GABRR2: variants seen among roughly 807,000 people sequenced by gnomAD.
GABRR2 encodes the protein gamma-aminobutyric acid receptor subunit rho-2.
Under a neutral mutation model 47.0 loss-of-function variants are expected in GABRR2, and 36 were observed. The ratio of observed to expected loss-of-function variants is 0.77; its 90% CI spans 0.59 to 1.01. The LOEUF is 1.01. Ranked by LOEUF, GABRR2 falls within the 50% of genes least tolerant of loss-of-function variation. The probability of loss-of-function intolerance (pLI) is 0.00; values close to 1 mark genes in which losing one functional copy is unlikely to be tolerated. For synonymous variants in GABRR2, 204 were observed against 227.5 expected (o/e 0.90, Z 0.93); for missense variants, 587 against 594.6 (o/e 0.99, Z 0.13).
At position 89,267,470 on chromosome 6, in the gene GABRR2, C is replaced by T. The variant is rs555202094; in HGVS notation, c.736+209G>A. Among the ~76,000 whole-genome samples, 209 of 152,208 alleles carry T rather than the reference C, an allele frequency of 1.4e-3. 2 individuals are homozygous for T. The highest frequency in any genetic ancestry group is 2.4e-3 in the Non-Finnish European group (166 of 68,004). On this transcript the variant is annotated intron_variant, in intron 6 of 8. Transcript: ENST00000402938. ...TAGTCCCAGCTACTCAGGAGGCTGACGTGGGAGGATCACCTGAGCCTGGGA... is the reference window on the plus strand; with the variant it reads ...TAGTCCCAGCTACTCAGGAGGCTGATGTGGGAGGATCACCTGAGCCTGGGA...
chr6:89,268,884 A>C, intron 4 of GABRR2, 127 bp downstream of exon 4: 1 of 746,328 alleles, frequency 1.3e-6, no homozygotes. Context: ...TCTGACTAGC[A>C]TCAGAAGGCT....
In GABRR2 at chr6:89,267,692, G is replaced by T. The variant is rs773282288; in HGVS notation, c.723C>A (p.Phe241Leu). 1 of 1,613,414 alleles carries T rather than the reference G, an allele frequency of 6.2e-7. No homozygotes were observed. The highest frequency in any genetic ancestry group is 8.5e-7 in the Non-Finnish European group (1 of 1,179,640). The change falls in exon 6 of 9, where the codon TTC (phenylalanine) becomes TTA (leucine). Residue 241 changes from phenylalanine to leucine, a missense_variant. Transcript: ENST00000402938. The stretch of plus-strand genomic sequence containing the variant: ...AAAGATAGCTACCAGTGCTGCTGTA[G>T]AAGGCCAGCCTGGAAGTTGTGTGAA... ...QKFHTTSRLAFYSSTGWYNRL... is the reference protein window; with the variant it reads ...QKFHTTSRLALYSSTGWYNRL...
In GABRR2 at chr6:89,299,897, C is replaced by T. The variant is rs556007542; in HGVS notation, c.114-32G>A. On this transcript the variant is annotated intron_variant, in intron 1 of 8. Transcript: ENST00000402938. ...AGACAAGCAAGAAACTATTTTCCAT[C>T]GGCTCTTCAATGCATTGAGTGAGAT... 4.5e-4 allele frequency: 648 copies of T among 1,425,246 alleles called. 11 individuals carry two copies. The South Asian group carries it at 7.1e-3, about 16-fold the overall frequency. The allele number at this position is 1,425,246 out of a possible 1,614,324, so 88.3% of individuals were successfully genotyped here. A position where few individuals can be genotyped will look rare whatever the true frequency, so the allele number is the denominator to read the frequency against.
At chr6:89,258,475 G>A (rs1773658960) in intron 8 of GABRR2, among the ~76,000 whole-genome samples, 1 of 151,580 alleles carries the variant, frequency 6.6e-6, no homozygotes, top group Non-Finnish European at 1.5e-5. Context: ...GGAGGTCAAG[G>A]CAGGAGGATC....
intron 2 of GABRR2, among the ~76,000 whole-genome samples, chr6:89,289,680 TGGAAGG>T (rs71024362): frequency 0.091 from 13,823 of 152,026 alleles, 747 homozygotes; most frequent in African/African-American, 0.14. Context: ...TTGATTGATC[TGGAAGG>T]GGAAGGGGAA....
At chr6:89,311,156 G>A (rs778096145) in intron 1 of GABRR2, among the ~76,000 whole-genome samples, 11 of 152,144 alleles carry the variant, frequency 7.2e-5, no homozygotes, top group African/African-American at 1.2e-4. Flanking sequence ...ACGTGCAGAC[G>A]CCCATGAAAG....
At chr6:89,262,410 T>C (rs1773770433) in intron 8 of GABRR2, among the ~76,000 whole-genome samples, 2 of 152,226 alleles carry the variant, frequency 1.3e-5, no homozygotes, top group African/African-American at 4.8e-5. Context: ...ATATTCAGCA[T>C]GAAGCCCCTA....
chr6:89,268,655 A>C (rs1254933388), intron 4 of GABRR2, among the ~76,000 whole-genome samples: 1 of 46,128 alleles, frequency 2.2e-5, no homozygotes, highest in Non-Finnish European at 4.6e-5. Flanking sequence ...TTTTTGGGGG[A>C]CGGGGGGGGG....
At chr6:89,300,643 C>T (rs1370454274) in intron 1 of GABRR2, among the ~76,000 whole-genome samples, 1 of 150,470 alleles carries the variant, frequency 6.6e-6, no homozygotes, top group Non-Finnish European at 1.5e-5. Context: ...GACACATACA[C>T]ACCCCAAACC....
intron 2 of GABRR2, among the ~76,000 whole-genome samples, chr6:89,288,457 C>T (rs934767145): frequency 6.6e-6 from 1 of 152,056 alleles, no homozygotes; most frequent in Non-Finnish European, 1.5e-5. Context: ...CGAGTGTTTT[C>T]ACAAGCATGA....
rs141403078 is a variant in GABRR2, at chr6:89,271,721, G to T, written c.222C>A (p.Gly74=). Residue 74 remains glycine, a splice_region_variant and synonymous_variant, in exon 3 of 9, where the codon GGC becomes GGA. Transcript: ENST00000402938. ...CGTCCACGCCCACCGGGATGGCAGG[G>T]CCTGCAGAAGAGCAGAGACAGCTGG... The part of the protein sequence containing the change: ...HDFSMRPAFG[G]PAIPVGVDVQ... 1.2e-6 allele frequency: 2 copies of T among 1,611,408 alleles called. No individual in the cohort carries two copies. Among genetic ancestry groups the T allele is most frequent in the Non-Finnish European group, 1.7e-6 (2 of 1,178,770 alleles).
chr6:89,283,827 A>G (rs1774290804), intron 2 of GABRR2, among the ~76,000 whole-genome samples: 1 of 152,160 alleles, frequency 6.6e-6, no homozygotes, highest in African/African-American at 2.4e-5. Context: ...ATCACACTAT[A>G]TTAGAGTCTA....
chr6:89,269,117 G>A lies in GABRR2; in HGVS notation c.406C>T (p.Pro136Ser), dbSNP rs372516073. ...TTGGAGTGAACAAAGAAGACATCAG[G>A]GACCCAGATCTTCTTCACCAGCCGG... ...DGRLVKKIWV[P>S]DVFFVHSKRS... Residue 136 changes from proline to serine, a missense_variant, in exon 4 of 9, where the codon CCT becomes TCT. By Grantham distance (74) the Pro-to-Ser change is moderately conservative. Transcript: ENST00000402938. The A allele has an allele frequency of 1.2e-6, 2 of 1,614,018 alleles. No homozygotes were observed.
intron 1 of GABRR2, among the ~76,000 whole-genome samples, chr6:89,310,729 T>C (rs3822872): frequency 0.29 from 38,842 of 133,356 alleles, 5,652 homozygotes; most frequent in African/African-American, 0.44. Context: ...GAGCATTAGA[T>C]GAGAAGCGGG....
intron 1 of GABRR2, among the ~76,000 whole-genome samples, chr6:89,307,428 T>G (rs1767587685): frequency 6.6e-6 from 1 of 152,198 alleles, no homozygotes; most frequent in South Asian, 2.1e-4. Context: ...TGGGGAGATA[T>G]TAAAACCAAT....
intron 8 of GABRR2, among the ~76,000 whole-genome samples, chr6:89,259,667 C>T (rs1404681883): frequency 2.6e-5 from 4 of 151,866 alleles, no homozygotes; most frequent in Non-Finnish European, 1.5e-5. Context: ...CCATGCCCAG[C>T]TAATTTTTGT....
At chr6:89,313,012 T>A (rs959419296) in intron 1 of GABRR2, among the ~76,000 whole-genome samples, 3 of 152,206 alleles carry the variant, frequency 2.0e-5, no homozygotes, top group African/African-American at 7.2e-5. Flanking sequence ...CCCAGGCTGC[T>A]GAGTGGGGTC....
At chr6:89,265,146 T>A (rs1419054887) in intron 7 of GABRR2, among the ~76,000 whole-genome samples, 1 of 152,116 alleles carries the variant, frequency 6.6e-6, no homozygotes, top group Non-Finnish European at 1.5e-5. Context: ...AAACTTTCAC[T>A]CTGGAATTCA....
At chr6:89,261,856 T>A (rs1666357432) in intron 8 of GABRR2, among the ~76,000 whole-genome samples, 1 of 152,060 alleles carries the variant, frequency 6.6e-6, no homozygotes, top group South Asian at 2.1e-4. Context: ...CTTGGCAACA[T>A]GGCAAAATCC....
Sources: allele counts gnomAD v4.1 joint callset (sites outside exome capture counted in the v4.1 genomes callset), GRCh38; gene constraint gnomAD v4.1.1; transcripts MANE v1.5; gene names NCBI Gene and HGNC (gene_info 2026-07-23, HGNC 2026-07-21).